PCDH15: variants seen among roughly 807,000 people sequenced by gnomAD.
PCDH15 encodes the protein protocadherin related 15.
Under a neutral mutation model 178.5 loss-of-function variants are expected in PCDH15, and 129 were observed. The observed-to-expected ratio is 0.72, with a 90% CI of 0.63 to 0.84. The LOEUF (loss-of-function observed/expected upper bound fraction) is 0.84, where lower values mean the gene tolerates loss of function less well. Among genes scored for constraint, PCDH15 ranks in the 40% least tolerant of loss-of-function variants. The probability of loss-of-function intolerance (pLI) is 0.00; values close to 1 mark genes in which losing one functional copy is unlikely to be tolerated. For missense variants in PCDH15, 2,230 were observed against 2,099.9 expected (o/e 1.06, Z -1.21); for synonymous variants, 800 against 732.0 (o/e 1.09, Z -1.50).
intron 26 of PCDH15, among the ~76,000 whole-genome samples, chr10:53,895,119 G>T (rs552969144): frequency 6.6e-6 from 1 of 152,152 alleles, no homozygotes; most frequent in Admixed American, 6.5e-5. Flanking sequence ...TAAGACCCAG[G>T]TGAGCAGGTA....
intron 2 of PCDH15, among the ~76,000 whole-genome samples, chr10:54,978,423 A>G (rs1202008049): frequency 6.6e-6 from 1 of 152,166 alleles, no homozygotes; most frequent in Non-Finnish European, 1.5e-5. Context: ...TATAATGTCA[A>G]TAATGCCCAA....
intron 3 of PCDH15, among the ~76,000 whole-genome samples, chr10:54,884,100 G>T (rs2131808933): frequency 6.6e-6 from 1 of 152,050 alleles, no homozygotes; most frequent in East Asian, 1.9e-4. Flanking sequence ...CGGTACAACT[G>T]CACACTCAAA....
At chr10:55,167,279 C>T (rs1273895761) in intron 1 of PCDH15, among the ~76,000 whole-genome samples, 1 of 151,890 alleles carries the variant, frequency 6.6e-6, no homozygotes, top group Non-Finnish European at 1.5e-5. Context: ...ATACTCAGGT[C>T]ATTTTTATAT....
At chr10:54,221,932 T>A (rs879419948) in intron 9 of PCDH15, among the ~76,000 whole-genome samples, 5 of 152,208 alleles carry the variant, frequency 3.3e-5, no homozygotes, top group Non-Finnish European at 5.9e-5. Flanking sequence ...CGTAGGTGTG[T>A]CTGGCTTCTT....
intron 2 of PCDH15, among the ~76,000 whole-genome samples, chr10:54,598,695 G>C (rs1367091575): frequency 2.0e-5 from 3 of 152,162 alleles, no homozygotes; most frequent in African/African-American, 7.2e-5. Flanking sequence ...AATCCTGTTT[G>C]CAGATGAAAT....
chr10:54,387,427 A>G (rs1348302406), intron 3 of PCDH15, among the ~76,000 whole-genome samples: 1 of 152,236 alleles, frequency 6.6e-6, no homozygotes, highest in Admixed American at 6.5e-5. Flanking sequence ...ACATGCTACA[A>G]CATGGATCAA....
chr10:54,905,728 A>G (rs779274977), intron 2 of PCDH15, among the ~76,000 whole-genome samples: 4 of 152,110 alleles, frequency 2.6e-5, no homozygotes, highest in African/African-American at 4.8e-5. Context: ...ATGAGGCTCA[A>G]TAGTTCCATA....
intron 2 of PCDH15, among the ~76,000 whole-genome samples, chr10:55,397,896 T>C (rs1195782538): frequency 1.3e-5 from 2 of 152,112 alleles, no homozygotes; most frequent in Admixed American, 1.3e-4. Context: ...GCCTGTATAC[T>C]GCCTTTTACA....
intron 3 of PCDH15, among the ~76,000 whole-genome samples, chr10:54,448,707 A>G (rs16915221): frequency 2.0e-5 from 3 of 151,752 alleles, no homozygotes; most frequent in South Asian, 2.1e-4. Context: ...GTAATCCTCT[A>G]TAATCTTCAA....
intron 1 of PCDH15, among the ~76,000 whole-genome samples, chr10:55,274,793 C>G (rs1216915969): frequency 1.3e-5 from 2 of 152,056 alleles, no homozygotes; most frequent in Non-Finnish European, 2.9e-5. Context: ...CATCTCACAT[C>G]ATCAGGCATT....
chr10:54,873,010 A>G (rs1424421187), intron 3 of PCDH15, among the ~76,000 whole-genome samples: 1 of 143,252 alleles, frequency 7.0e-6, no homozygotes, highest in Non-Finnish European at 1.6e-5. Flanking sequence ...GCTACCAACC[A>G]TCCAGGAAAA....
chr10:55,419,462 A>G (rs951872086), intron 2 of PCDH15, among the ~76,000 whole-genome samples: 8 of 151,800 alleles, frequency 5.3e-5, no homozygotes, highest in Non-Finnish European at 8.8e-5. Flanking sequence ...ACATCTGAGG[A>G]GAGATTGTTT....
At chr10:55,075,038 T>C (rs1252440527) in intron 2 of PCDH15, among the ~76,000 whole-genome samples, 1 of 152,174 alleles carries the variant, frequency 6.6e-6, no homozygotes, top group African/African-American at 2.4e-5. Flanking sequence ...TGTGCGGTCT[T>C]ACGTCTGAGT....
intron 3 of PCDH15, among the ~76,000 whole-genome samples, chr10:54,515,001 A>C (rs1368439355): frequency 6.6e-6 from 1 of 152,234 alleles, no homozygotes; most frequent in Non-Finnish European, 1.5e-5. Context: ...GGATGGAGCC[A>C]AGATGGCCGA....
intron 3 of PCDH15, among the ~76,000 whole-genome samples, chr10:54,877,999 G>T (rs1954183253): frequency 7.7e-6 from 1 of 130,382 alleles, no homozygotes; most frequent in Non-Finnish European, 1.6e-5. Context: ...GTCTCGCTCT[G>T]TTGCCTAGGC....
chr10:53,865,429 T>C lies in PCDH15; in HGVS notation c.3717+1213A>G, dbSNP rs554721278. On this transcript the variant is annotated intron_variant, in intron 27 of 37. Coordinates refer to ENST00000644397, the MANE Select transcript of PCDH15 (RefSeq NM_001384140.1). The stretch of plus-strand genomic sequence containing the variant: ...AAAAGAATGATGGGTTTAGCTGCAA[T>C]GTTAATTAAATGTTATGGACAAAGA... Among the ~76,000 whole-genome samples, 38 of 152,242 alleles carry C rather than the reference T, an allele frequency of 2.5e-4. 2 individuals carry two copies. The South Asian group carries it at 7.9e-3, about 32-fold the overall frequency.
At position 54,664,324 on chromosome 10, in the gene PCDH15, C is replaced by T. The variant is rs1339323608; in HGVS notation, c.-28-34G>A. On this transcript the variant is annotated intron_variant, in intron 1 of 37. Transcript: ENST00000644397. ...AGAAAAGGTAGAAAGAAACATTTGA[C>T]ATGTTCATTAATCTGTTATAGGTAA... The T allele has an allele frequency of 9.0e-6, 12 of 1,325,970 alleles. No individual in the cohort carries two copies. The Admixed American group carries it at 1.9e-4, about 20-fold the overall frequency. 82.1% of individuals were successfully genotyped at this position (1,325,970 alleles called of 1,614,324 possible). A position where few individuals can be genotyped will look rare whatever the true frequency, so the allele number is the denominator to read the frequency against.
chr10:54,091,169 A>G (rs2094594721), intron 15 of PCDH15, among the ~76,000 whole-genome samples: 1 of 152,210 alleles, frequency 6.6e-6, no homozygotes, highest in South Asian at 2.1e-4. Context: ...CTTATAAAAG[A>G]CATGGATAAA....
intron 8 of PCDH15, among the ~76,000 whole-genome samples, chr10:54,277,950 T>C (rs78489555): frequency 0.01 from 1,562 of 151,592 alleles, 28 homozygotes; most frequent in African/African-American, 0.035. Context: ...CATTTGTAAT[T>C]TGAGTTGCTT....
Sources: allele counts gnomAD v4.1 joint callset (sites outside exome capture counted in the v4.1 genomes callset), GRCh38; gene constraint gnomAD v4.1.1; transcripts MANE v1.5; gene names NCBI Gene and HGNC (gene_info 2026-07-23, HGNC 2026-07-21).